Variants in ERC2 observed in about 807,000 individuals in gnomAD.
The protein encoded by ERC2 is ELKS/RAB6-interacting/CAST family member 2, also known as ERC protein 2.
In ERC2, 42 loss-of-function variants were observed where a neutral mutation model predicts 114.8. The ratio of observed to expected loss-of-function variants is 0.37; its 90% CI spans 0.29 to 0.47. ERC2 has a LOEUF of 0.47. ERC2 is among the 20% of genes least tolerant of loss of function. The pLI is 0.99. For missense variants in ERC2, 939 were observed against 1,150.7 expected (o/e 0.82, Z 2.66); for synonymous variants, 454 against 425.5 (o/e 1.07, Z -0.82).
intron 7 of ERC2, among the ~76,000 whole-genome samples, chr3:56,021,608 A>G (rs2073718483): frequency 6.6e-6 from 1 of 151,944 alleles, no homozygotes; most frequent in African/African-American, 2.4e-5. Flanking sequence ...GTACATGTGA[A>G]GGTTTGTTAC....
At chr3:56,314,589 A>T (rs922532058) in intron 2 of ERC2, among the ~76,000 whole-genome samples, 2 of 152,272 alleles carry the variant, frequency 1.3e-5, no homozygotes, top group African/African-American at 4.8e-5. Flanking sequence ...TAGTTTGGCC[A>T]CTTCAAGTGC....
chr3:56,169,552 G>A (rs980741852), intron 4 of ERC2, among the ~76,000 whole-genome samples: 1 of 152,144 alleles, frequency 6.6e-6, no homozygotes, highest in Non-Finnish European at 1.5e-5. Flanking sequence ...CCTGAAAATA[G>A]AGCTCACATG....
At chr3:55,689,257 ATTT>A (rs10598916) in intron 16 of ERC2, among the ~76,000 whole-genome samples, 10 of 151,442 alleles carry the variant, frequency 6.6e-5, no homozygotes, top group South Asian at 4.2e-4. Flanking sequence ...TGCTTCCTCA[ATTT>A]TTTTTTTTTG....
At chr3:55,812,821 T>A (rs1209650560) in intron 14 of ERC2, among the ~76,000 whole-genome samples, 1 of 152,240 alleles carries the variant, frequency 6.6e-6, no homozygotes, top group Non-Finnish European at 1.5e-5. Context: ...CTTGGTGTGA[T>A]GGTCAGTTTG....
intron 17 of ERC2, among the ~76,000 whole-genome samples, chr3:55,540,802 G>A (rs555842239): frequency 2.6e-5 from 4 of 152,154 alleles, no homozygotes; most frequent in African/African-American, 4.8e-5. Context: ...AGGTCAGTTC[G>A]GACCGGCACC....
intron 14 of ERC2, chr3:55,852,541 A>T (rs1041430486): frequency 4.8e-4 from 69 of 144,042 alleles, no homozygotes; most frequent in African/African-American, 2.0e-3. Context: ...GGAATTTTTT[A>T]AATTAAAAAA....
chr3:55,938,086 G>T (rs1032842792), intron 13 of ERC2, among the ~76,000 whole-genome samples: 1 of 149,878 alleles, frequency 6.7e-6, no homozygotes, highest in Non-Finnish European at 1.5e-5. Context: ...CTTATGATTA[G>T]GTCTTCATGG....
At chr3:55,965,665 T>C (rs1263435081) in intron 12 of ERC2, among the ~76,000 whole-genome samples, 2 of 152,210 alleles carry the variant, frequency 1.3e-5, no homozygotes, top group Admixed American at 6.5e-5. Context: ...ACTTAAGGCA[T>C]CTGGAAGGCT....
At chr3:56,458,504 CA>C (rs552815872) in intron 1 of ERC2, among the ~76,000 whole-genome samples, 113 of 152,296 alleles carry the variant, frequency 7.4e-4, no homozygotes, top group Middle Eastern at 6.8e-3. Flanking sequence ...TCAGCTTTAA[CA>C]AAAAAGGTGA....
chr3:56,461,531 C>T (rs1387275731), intron 1 of ERC2, among the ~76,000 whole-genome samples: 3 of 152,160 alleles, frequency 2.0e-5, no homozygotes, highest in Admixed American at 6.5e-5. Context: ...TGCAAGCCAC[C>T]TCCAACATAT....
chr3:55,527,820 C>T (rs1433228033), intron 17 of ERC2, among the ~76,000 whole-genome samples: 2 of 152,264 alleles, frequency 1.3e-5, no homozygotes, highest in South Asian at 2.1e-4. Flanking sequence ...GACTTGGGCA[C>T]TATTTCATGC....
chr3:55,815,716 G>GA (rs758977736), intron 14 of ERC2, among the ~76,000 whole-genome samples: 1 of 152,200 alleles, frequency 6.6e-6, no homozygotes, highest in Non-Finnish European at 1.5e-5. Flanking sequence ...GGCGGCAATA[G>GA]AAAACTAACG....
intron 17 of ERC2, among the ~76,000 whole-genome samples, chr3:55,545,658 G>A (rs1366253255): frequency 6.6e-6 from 1 of 152,206 alleles, no homozygotes; most frequent in African/African-American, 2.4e-5. Flanking sequence ...GTTTCTGTGT[G>A]TGTCATATGG....
At chr3:56,313,181 G>C (rs903670946) in intron 2 of ERC2, among the ~76,000 whole-genome samples, 1 of 150,326 alleles carries the variant, frequency 6.7e-6, no homozygotes, top group Non-Finnish European at 1.5e-5. Flanking sequence ...ATCATTGCTG[G>C]GGAGAGGAGG....
intron 14 of ERC2, among the ~76,000 whole-genome samples, chr3:55,819,314 T>C (rs2060026469): frequency 6.6e-6 from 1 of 152,196 alleles, no homozygotes; most frequent in East Asian, 1.9e-4. Flanking sequence ...CTTAACCAGA[T>C]GCAGGCCAGG....
At chr3:55,577,907 G>T (rs181095681) in intron 17 of ERC2, among the ~76,000 whole-genome samples, 1 of 152,318 alleles carries the variant, frequency 6.6e-6, no homozygotes, top group African/African-American at 2.4e-5. Context: ...TGAGAGAAGG[G>T]CTTTGCTGAG....
chr3:55,833,040 A>T lies in ERC2; in HGVS notation c.2564+55349T>A, dbSNP rs545314276. ...AAGATGAAATGAATGAAATGAAGCA[A>T]GAAGGGAAGTTTAGAGAAAAAAAGA... On this transcript the variant is annotated intron_variant, in intron 14 of 17. Coordinates refer to ENST00000288221, the MANE Select transcript of ERC2 (RefSeq NM_015576.3). Among the ~76,000 whole-genome samples the T allele has an allele frequency of 4.1e-5, 6 of 146,958 alleles. No individual in the cohort carries two copies. The South Asian group carries it at 1.1e-3, about 28-fold the overall frequency.
chr3:56,389,106 A>C (rs2060038583), intron 2 of ERC2, among the ~76,000 whole-genome samples: 1 of 152,200 alleles, frequency 6.6e-6, no homozygotes, highest in Non-Finnish European at 1.5e-5. Flanking sequence ...TTTCCCATCT[A>C]AATACATTGT....
Position 55,988,144 on chromosome 3 carries a change from T to TGGGCA in ERC2, c.2256-2161_2256-2157dup, listed in dbSNP as rs1012324840. ...TCTAAATAAAACTCAGAGACCTTGA[T>TGGGCA]GGGCACTGACACAGAAGCACTGCAT... is the stretch of plus-strand genomic sequence containing the variant. On this transcript the variant is annotated intron_variant, in intron 11 of 17. Transcript: ENST00000288221. Among the ~76,000 whole-genome samples, 3 of 152,186 alleles carry TGGGCA rather than the reference T, an allele frequency of 2.0e-5. 1 individual carries two copies. The highest frequency in any genetic ancestry group is 4.4e-5 in the Non-Finnish European group (3 of 68,026).
Sources: allele counts gnomAD v4.1 joint callset (sites outside exome capture counted in the v4.1 genomes callset), GRCh38; gene constraint gnomAD v4.1.1; transcripts MANE v1.5; gene names NCBI Gene and HGNC (gene_info 2026-07-23, HGNC 2026-07-21).